The following FARS2 variants were observed in gnomAD, a reference collection of about 807,000 sequenced individuals.
FARS2 encodes phenylalanine--tRNA ligase, mitochondrial.
Under a neutral mutation model 46.4 loss-of-function variants are expected in FARS2, and 40 were observed. The observed-to-expected ratio is 0.86, with a 90% CI of 0.67 to 1.12. FARS2 has a LOEUF of 1.12. Ranked by LOEUF, FARS2 falls within the 50% of genes most tolerant of loss-of-function variation. FARS2 has a pLI of 0.00. For missense variants in FARS2, 513 were observed against 567.9 expected, an observed-to-expected ratio of 0.90 and a Z score of 0.98; for synonymous variants, 234 against 214.9, an observed-to-expected ratio of 1.09 and a Z score of -0.78.
chr6:5,463,474 A>G (rs181371758), intron 4 of FARS2, among the ~76,000 whole-genome samples: 1 of 152,322 alleles, frequency 6.6e-6, no homozygotes, highest in African/African-American at 2.4e-5. Flanking sequence ...AAAAACTAAC[A>G]GTAAAATTCC....
At chr6:5,437,656 A>T (rs1010414921) in intron 4 of FARS2, among the ~76,000 whole-genome samples, 1 of 152,038 alleles carries the variant, frequency 6.6e-6, no homozygotes. Context: ...TACAATATCC[A>T]TTCCTGTCTT....
At chr6:5,691,583 G>A (rs1182955729) in intron 6 of FARS2, among the ~76,000 whole-genome samples, 1 of 152,186 alleles carries the variant, frequency 6.6e-6, no homozygotes, top group African/African-American at 2.4e-5. Context: ...GCCGTGTGAG[G>A]TGTCAGTCTG....
At chr6:5,735,967 G>A (rs1321034637) in intron 6 of FARS2, among the ~76,000 whole-genome samples, 1 of 152,238 alleles carries the variant, frequency 6.6e-6, no homozygotes, top group Non-Finnish European at 1.5e-5. Flanking sequence ...GATATTAGAT[G>A]AGTTATTTGT....
chr6:5,441,828 C>T (rs1763859270), intron 4 of FARS2, among the ~76,000 whole-genome samples: 1 of 152,210 alleles, frequency 6.6e-6, no homozygotes, highest in Admixed American at 6.5e-5. Flanking sequence ...AATTGTTTCC[C>T]AAAGTGGTTG....
intron 4 of FARS2, among the ~76,000 whole-genome samples, chr6:5,454,197 A>ATTTTT (rs34688392): frequency 2.0e-4 from 29 of 144,092 alleles, no homozygotes; most frequent in South Asian, 1.1e-3. Context: ...TTCTCCCTCC[A>ATTTTT]TTTTTTTTTT....
intron 3 of FARS2, among the ~76,000 whole-genome samples, chr6:5,427,020 CT>C (rs1470551864): frequency 2.5e-4 from 38 of 152,148 alleles, no homozygotes; most frequent in Admixed American, 6.5e-5. Flanking sequence ...CAAATAATTA[CT>C]ATTTATGTTT....
At chr6:5,481,535 T>C (rs1385617786) in intron 4 of FARS2, among the ~76,000 whole-genome samples, 1 of 152,210 alleles carries the variant, frequency 6.6e-6, no homozygotes, top group Non-Finnish European at 1.5e-5. Flanking sequence ...TCCAGCCATT[T>C]GTTACAAGTA....
At chr6:5,675,744 C>T (rs1165031544) in intron 6 of FARS2, among the ~76,000 whole-genome samples, 1 of 152,182 alleles carries the variant, frequency 6.6e-6, no homozygotes, top group Non-Finnish European at 1.5e-5. Context: ...GTAAAAATTT[C>T]AGAGGTGAAT....
chr6:5,625,135 C>T (rs1317789525), intron 6 of FARS2, among the ~76,000 whole-genome samples: 5 of 152,150 alleles, frequency 3.3e-5, no homozygotes, highest in Admixed American at 2.6e-4. Flanking sequence ...TCAGAGGGAC[C>T]ATTATCTTGA....
intron 4 of FARS2, among the ~76,000 whole-genome samples, chr6:5,487,740 G>A (rs1231791140): frequency 6.6e-6 from 1 of 152,176 alleles, no homozygotes; most frequent in Non-Finnish European, 1.5e-5. Context: ...GGCCTCCTCT[G>A]GAAAATGAAT....
chr6:5,755,592 A>G (rs562328609), intron 6 of FARS2, among the ~76,000 whole-genome samples: 9 of 152,158 alleles, frequency 5.9e-5, no homozygotes, highest in Admixed American at 1.3e-4. Flanking sequence ...TTCATTTTCA[A>G]TCATTTAAGT....
At chr6:5,754,986 G>T (rs932541860) in intron 6 of FARS2, among the ~76,000 whole-genome samples, 1 of 152,024 alleles carries the variant, frequency 6.6e-6, no homozygotes. Flanking sequence ...GCCTCTCTTT[G>T]TTCTCTCTAC....
intron 1 of FARS2, among the ~76,000 whole-genome samples, chr6:5,355,033 A>C (rs914482582): frequency 7.2e-5 from 11 of 152,196 alleles, no homozygotes; most frequent in African/African-American, 2.7e-4. Context: ...ATTTAAAATA[A>C]GTTTAAATTT....
At chr6:5,354,733 T>A (rs1023299482) in intron 1 of FARS2, among the ~76,000 whole-genome samples, 5 of 152,250 alleles carry the variant, frequency 3.3e-5, no homozygotes, top group Middle Eastern at 3.4e-3. Context: ...CAGGATGGTC[T>A]CGATCTCCTG....
At chr6:5,653,928 G>A (rs1248376223) in intron 6 of FARS2, among the ~76,000 whole-genome samples, 1 of 152,192 alleles carries the variant, frequency 6.6e-6, no homozygotes, top group Non-Finnish European at 1.5e-5. Flanking sequence ...CCTGGTTTCT[G>A]TGAACATTCA....
chr6:5,527,420 A>T (rs2150444357), intron 4 of FARS2, among the ~76,000 whole-genome samples: 1 of 152,358 alleles, frequency 6.6e-6, no homozygotes, highest in South Asian at 2.1e-4. Flanking sequence ...AACTCTAGTT[A>T]GCTTTCTACT....
chr6:5,519,649 A>C (rs140642776), intron 4 of FARS2, among the ~76,000 whole-genome samples: 1 of 152,182 alleles, frequency 6.6e-6, no homozygotes, highest in African/African-American at 2.4e-5. Context: ...TCTGTATTCC[A>C]AGTATCCATT....
intron 1 of FARS2, among the ~76,000 whole-genome samples, chr6:5,320,273 T>A (rs1769873440): frequency 6.6e-6 from 1 of 152,122 alleles, no homozygotes; most frequent in Non-Finnish European, 1.5e-5. Flanking sequence ...TCCCTAACGA[T>A]CTGCTGCTCT....
At chr6:5,709,697 T>TGTGTGTGTGTGC (rs148741094) in intron 6 of FARS2, among the ~76,000 whole-genome samples, 1 of 91,502 alleles carries the variant, frequency 1.1e-5, no homozygotes, top group African/African-American at 4.6e-5. Flanking sequence ...TGTGTGTGTG[T>TGTGTGTGTGTGC]GCGCATGCAC....
Sources: allele counts gnomAD v4.1 joint callset (sites outside exome capture counted in the v4.1 genomes callset), GRCh38; gene constraint gnomAD v4.1.1; transcripts MANE v1.5; gene names NCBI Gene and HGNC (gene_info 2026-07-23, HGNC 2026-07-21).